Variants in CC2D1B observed in about 807,000 individuals in gnomAD.
The protein encoded by CC2D1B is coiled-coil and C2 domain containing 1B, also known as coiled-coil and C2 domain-containing protein 1B.
Under a neutral mutation model 110.8 loss-of-function variants are expected in CC2D1B, and 92 were observed. The observed-to-expected ratio is 0.83, with a 90% CI of 0.70 to 0.99. CC2D1B has a LOEUF of 0.99. Ranked by LOEUF, CC2D1B falls within the 50% of genes least tolerant of loss-of-function variation. The pLI, the probability that CC2D1B is intolerant of heterozygous loss-of-function variation, is 0.00. For synonymous variants in CC2D1B, 406 were observed against 429.2 expected (o/e 0.95, Z 0.67); for missense variants, 1,136 against 1,089.0 (o/e 1.04, Z -0.61).
At chr1:52,362,773 A>G in intron 2 of CC2D1B, 27 bp from the exon 3 acceptor site, 1 of 1,612,652 alleles carries the variant, frequency 6.2e-7, no homozygotes, top group South Asian at 1.1e-5. Flanking sequence ...ACTCTTAGGA[A>G]CCACACAACA....
At position 52,356,271 on chromosome 1, in the gene CC2D1B, G is replaced by C. The variant is rs1247881398; in HGVS notation, c.1969C>G (p.Gln657Glu). Residue 657 changes from glutamine to glutamate, a missense_variant, in exon 18 of 25, where the codon CAG (glutamine) becomes GAG (glutamate). Coordinates refer to ENST00000284376, the MANE Select transcript of CC2D1B (RefSeq NM_001330585.2). Reference protein sequence around the residue: ...FEKLAQDRKKQLEILQLAQAQ... With the variant: ...FEKLAQDRKKELEILQLAQAQ... ...TGGGCCAGCTGCAGGATCTCCAGCT[G>C]TTTCTTGCGGTCCTGAGCAAGCTTC... The C allele has an allele frequency of 1.9e-6, 3 of 1,614,090 alleles. No individual in the cohort carries two copies. Among genetic ancestry groups the C allele is most frequent in the African/African-American group, 1.3e-5 (1 of 74,916 alleles).
chr1:52,361,456 C>G, intron 4 of CC2D1B, 57 bp downstream of exon 4: 1 of 1,608,720 alleles, frequency 6.2e-7, no homozygotes, highest in Non-Finnish European at 8.5e-7. Flanking sequence ...ACTGCCCTCT[C>G]CTCCACCAGG....
At chr1:52,356,952 G>A (rs1176714797) in intron 16 of CC2D1B, 49 bp downstream of exon 16, 9 of 1,524,332 alleles carry the variant, frequency 5.9e-6, no homozygotes, top group Admixed American at 2.2e-5. Flanking sequence ...CTTCCTCCAC[G>A]GGGAGGCTGT....
Position 52,359,104 on chromosome 1 carries a change from T to C in CC2D1B, c.1180A>G (p.Lys394Glu). The change falls in exon 11 of 25, where the codon AAG (lysine) becomes GAG (glutamate). Residue 394 changes from lysine (K) to glutamate (E), a missense_variant. Lys to Glu is a moderately conservative substitution (Grantham distance 56, BLOSUM62 1). Coordinates refer to ENST00000284376, the MANE Select transcript of CC2D1B (RefSeq NM_001330585.2). Reference protein sequence around the residue: ...VLDALQQRLNKYREAGIQARS... With the variant: ...VLDALQQRLNEYREAGIQARS... ...GCCTGGATGCCCGCCTCGCGGTACT[T>C]GTTCAGCCTCTGCTGCAGGGCATCC... The C allele has an allele frequency of 6.2e-7, 1 of 1,610,670 alleles. No individual in the cohort carries two copies. Among genetic ancestry groups the C allele is most frequent in the South Asian group, 1.1e-5 (1 of 91,082 alleles).
At position 52,357,112 on chromosome 1, in the gene CC2D1B, C is replaced by T. The variant is rs1309924470; in HGVS notation, c.1767G>A (p.Leu589=). The T allele has an allele frequency of 6.2e-7, 1 of 1,613,914 alleles. No individual in the cohort carries two copies. Among genetic ancestry groups the T allele is most frequent in the South Asian group, 1.1e-5 (1 of 91,008 alleles). ...GGATGAAGTCACCCTCCTCATCCGT[C>T]AAGGGCGAAGGCACCTACCCAGGTC... ...PVDLSKVPSP[L]TDEEGDFILI... The change falls in exon 16 of 25, where the codon TTG becomes TTA. Residue 589 remains leucine, a synonymous_variant. Coordinates refer to ENST00000284376, the MANE Select transcript of CC2D1B (RefSeq NM_001330585.2).
In CC2D1B at chr1:52,358,416, TCCTCAACA is replaced by T; in HGVS notation, c.1368_1375del (p.Val457GlyfsTer23). On this transcript the variant is annotated frameshift_variant, in exon 13 of 25. Transcript: ENST00000284376. LOFTEE classifies it high-confidence loss of function. ...TGCCAATGTCGCTGCCACTGCGTCC[TCCTCAACA>T]CCCATAGTGGACTCCAGGCCAGGGA... 6.2e-7 allele frequency: 1 copy of T among 1,614,058 alleles called. No homozygotes were observed. The highest frequency in any genetic ancestry group is 8.5e-7 in the Non-Finnish European group (1 of 1,180,026).
Position 52,353,239 on chromosome 1 carries a change from A to G in CC2D1B, c.*2-16T>C, listed in dbSNP as rs1157860366. On this transcript the variant is annotated splice_polypyrimidine_tract_variant and intron_variant, in intron 24 of 24. Coordinates refer to ENST00000284376, the MANE Select transcript of CC2D1B (RefSeq NM_001330585.2). ...TGGCCATCGGCTACACAGGGGTGCAAAGCACAAGAAGTCAGTCTAAACTGC... is the reference window on the plus strand; with the variant it reads ...TGGCCATCGGCTACACAGGGGTGCAGAGCACAAGAAGTCAGTCTAAACTGC... 1 of 1,385,478 alleles carries G rather than the reference A, an allele frequency of 7.2e-7. No homozygotes were observed. The highest frequency in any genetic ancestry group is 4.0e-5 in the East Asian group (1 of 25,130). 85.8% of individuals were successfully genotyped at this position (1,385,478 alleles called of 1,614,324 possible).
At position 52,351,178 on chromosome 1, in the gene CC2D1B, AGG is replaced by A. The variant is rs1307723322; in HGVS notation, c.*2045_*2046del. On this transcript the variant is annotated 3_prime_UTR_variant, in exon 25 of 25. Transcript: ENST00000284376. ...AACTTCAATCTCCAAGTCTGGTGGG[AGG>A]CTTTGTCTTGCCTCGTCAGCCTGGA... 6.6e-6 allele frequency: 1 copy of A among 152,234 alleles called. No homozygotes were observed. The highest frequency in any genetic ancestry group is 2.4e-5 in the African/African-American group (1 of 41,462). 9.4% of individuals were successfully genotyped at this position (152,234 alleles called of 1,614,324 possible).
At chr1:52,360,346 C>G (rs983451387) in intron 6 of CC2D1B, 78 bp downstream of exon 6, 2 of 1,595,780 alleles carry the variant, frequency 1.3e-6, no homozygotes, top group Non-Finnish European at 1.7e-6. Context: ...GTGACCTCCC[C>G]TCCACTGGTG....
chr1:52,355,571 C>T lies in CC2D1B; in HGVS notation c.2187+37G>A, dbSNP rs186581863. The T allele has an allele frequency of 1.1e-4, 181 of 1,612,560 alleles. 1 individual carries two copies. In the African/African-American group the frequency reaches 1.5e-3, roughly 14 times the overall value. The stretch of plus-strand genomic sequence containing the variant: ...GAGCACAGGGTCCTGGAATGCAAGG[C>T]GGGTTTCAGAGGATCCTACTTCTAC... On this transcript the variant is annotated intron_variant, in intron 20 of 24. Transcript: ENST00000284376.
At chr1:52,354,537 G>C (rs1325610863) in intron 23 of CC2D1B, 71 bp downstream of exon 23, 7 of 1,216,332 alleles carry the variant, frequency 5.8e-6, no homozygotes, top group Non-Finnish European at 8.6e-6. Flanking sequence ...CCTACAACAA[G>C]GTGTGGCATT....
chr1:52,355,425 C>CTGTT lies in CC2D1B; in HGVS notation c.2208_2211dup (p.Ala738AsnfsTer13). The CTGTT allele has an allele frequency of 1.9e-6, 3 of 1,614,164 alleles. No individual in the cohort carries two copies. The highest frequency in any genetic ancestry group is 1.7e-6 in the Non-Finnish European group (2 of 1,180,028). ...GGAGAGTTTGTGTTCTTCACCACAG[C>CTGTT]TGTTTTGCTTTTTTGAGCCTGGTCC... is the stretch of plus-strand genomic sequence containing the variant. On this transcript the variant is annotated frameshift_variant, in exon 21 of 25. Transcript: ENST00000284376. LOFTEE classifies it high-confidence loss of function.
chr1:52,355,336 G>A (rs533726575), intron 21 of CC2D1B, 62 bp downstream of exon 21: 1 of 1,565,554 alleles, frequency 6.4e-7, no homozygotes, highest in African/African-American at 1.4e-5. Flanking sequence ...ACCCACTCTG[G>A]AAACACCAGT....
chr1:52,364,287 C>T (rs538855515), intron 2 of CC2D1B, among the ~76,000 whole-genome samples: 2 of 152,188 alleles, frequency 1.3e-5, no homozygotes, highest in South Asian at 4.2e-4. Context: ...GGCTAACAAG[C>T]AAAGTTGTGA....
At chr1:52,354,756 G>A in intron 22 of CC2D1B, 58 bp from the exon 23 acceptor site, 1 of 1,601,856 alleles carries the variant, frequency 6.2e-7, no homozygotes, top group East Asian at 2.2e-5. Flanking sequence ...GGAATGTGCT[G>A]GCTGAGCCCA....
At chr1:52,357,394 C>G (rs1307266981) in intron 15 of CC2D1B, 132 bp downstream of exon 15, 6 of 1,064,144 alleles carry the variant, frequency 5.6e-6, no homozygotes, top group Non-Finnish European at 6.6e-6. Flanking sequence ...GCAAAAGGCT[C>G]TTTCCCAGCT....
At chr1:52,355,363 G>A in intron 21 of CC2D1B, 35 bp downstream of exon 21, 1 of 1,609,534 alleles carries the variant, frequency 6.2e-7, no homozygotes, top group Non-Finnish European at 8.5e-7. Context: ...CACACACTCT[G>A]AGGGAGGAGA....
At chr1:52,356,473 G>A in intron 16 of CC2D1B, 31 bp from the exon 17 acceptor site, 2 of 1,612,960 alleles carry the variant, frequency 1.2e-6, no homozygotes, top group Non-Finnish European at 8.5e-7. Context: ...TGACTCCCGA[G>A]CCCAGAGCAG....
chr1:52,359,102 CT>C lies in CC2D1B; in HGVS notation c.1181del (p.Lys394SerfsTer170), dbSNP rs1646721056. On this transcript the variant is annotated frameshift_variant, in exon 11 of 25. Coordinates refer to ENST00000284376, the MANE Select transcript of CC2D1B (RefSeq NM_001330585.2). LOFTEE classifies it high-confidence loss of function. The part of the protein sequence containing the change: ...VLDALQQRLN[K>X]YREAGIQARS... ...GGGCCTGGATGCCCGCCTCGCGGTACTTGTTCAGCCTCTGCTGCAGGGCATC... is the reference window on the plus strand; with the variant it reads ...GGGCCTGGATGCCCGCCTCGCGGTACTGTTCAGCCTCTGCTGCAGGGCATC... 1 of 1,610,630 alleles carries C rather than the reference CT, an allele frequency of 6.2e-7. No homozygotes were observed.
Sources: gnomAD v4.1 joint callset for allele counts (sites outside exome capture counted in the v4.1 genomes callset) on GRCh38, gnomAD v4.1.1 for gene constraint, MANE v1.5 for transcripts, NCBI Gene and HGNC (gene_info 2026-07-23, HGNC 2026-07-21) for gene names.